FBLIM1: variants seen among roughly 807,000 people sequenced by gnomAD.
The protein encoded by FBLIM1 is filamin-binding LIM protein 1.
In FBLIM1, 29 loss-of-function variants were observed where a neutral mutation model predicts 37.4. The ratio of observed to expected loss-of-function variants is 0.77; its 90% CI spans 0.58 to 1.06. The LOEUF is 1.06. Ranked by LOEUF, FBLIM1 falls within the 50% of genes least tolerant of loss-of-function variation. The pLI is 0.00. For missense variants in FBLIM1, 449 were observed against 505.6 expected (o/e 0.89, Z 1.07); for synonymous variants, 193 against 199.0 (o/e 0.97, Z 0.25).
chr1:15,776,822 A>G (rs7513099), intron 7 of FBLIM1, among the ~76,000 whole-genome samples: 2 of 144,996 alleles, frequency 1.4e-5, no homozygotes, highest in African/African-American at 5.1e-5. Context: ...AGATTGCATC[A>G]TTGCACTCCA....
At chr1:15,764,310 C>T (rs2068815760) in intron 1 of FBLIM1, among the ~76,000 whole-genome samples, 186 bp from the exon 2 acceptor site, 1 of 152,164 alleles carries the variant, frequency 6.6e-6, no homozygotes, top group Non-Finnish European at 1.5e-5. Flanking sequence ...CTGCAGCCAC[C>T]TTGTGAGTGT....
intron 5 of FBLIM1, 63 bp from the exon 6 acceptor site, chr1:15,770,346 G>C: frequency 1.3e-6 from 2 of 1,553,912 alleles, no homozygotes; most frequent in South Asian, 2.3e-5. Context: ...CATGTTCTGG[G>C]TGGTGCCTGG....
intron 8 of FBLIM1, among the ~76,000 whole-genome samples, chr1:15,778,331 G>A (rs2069550113): frequency 1.3e-5 from 2 of 152,140 alleles, no homozygotes; most frequent in Non-Finnish European, 2.9e-5. Flanking sequence ...TTGGGAAGCT[G>A]AGATGGGTGG....
At chr1:15,758,703 T>TTATG (rs2068512966), upstream of FBLIM1, 1 of 150,100 alleles carries the variant, frequency 6.7e-6, no homozygotes, top group South Asian at 2.0e-4. This position sits in a 1 kb window ranked among gnomAD's most constrained non-coding sequence, Gnocchi z 6.2. Flanking sequence ...GCCTCACCTT[T>TTATG]TATGGTAAAG....
intron 8 of FBLIM1, among the ~76,000 whole-genome samples, chr1:15,782,869 C>T (rs1389137967): frequency 1.4e-5 from 2 of 144,844 alleles, no homozygotes; most frequent in African/African-American, 2.6e-5. Context: ...AGTGCAGTGG[C>T]GCGATCTCAG....
In FBLIM1 at chr1:15,765,545, C is replaced by T. The variant is rs530937795; in HGVS notation, c.250+312C>T. On this transcript the variant is annotated intron_variant, in intron 3 of 8. Coordinates refer to ENST00000375766, the MANE Select transcript of FBLIM1 (RefSeq NM_017556.4). The surrounding 1 kb of genome is among the most constrained non-coding windows in gnomAD (Gnocchi z 5.9). ...GGTCAGCATGGCTGGCTGGCCGTTT[C>T]GTCTGCCAATTTAATACCCTCAAGC... Among the ~76,000 whole-genome samples, 7 of 151,968 alleles carry T rather than the reference C, an allele frequency of 4.6e-5. No homozygotes were observed. Among genetic ancestry groups the T allele is most frequent in the African/African-American group, 1.7e-4 (7 of 41,462 alleles).
chr1:15,779,169 C>T (rs2069572991), intron 8 of FBLIM1, among the ~76,000 whole-genome samples: 1 of 152,054 alleles, frequency 6.6e-6, no homozygotes, highest in Non-Finnish European at 1.5e-5. Flanking sequence ...CTCCTGACCT[C>T]AGGTGATCCA....
chr1:15,782,810 C>CT (rs36050598), intron 8 of FBLIM1, among the ~76,000 whole-genome samples: 106,390 of 132,530 alleles, frequency 0.8, 43,147 homozygotes, highest in Non-Finnish European at 0.86. Flanking sequence ...TATAGGGACT[C>CT]TTTTTTTTTT....
At chr1:15,764,212 C>T (rs941902859) in intron 1 of FBLIM1, among the ~76,000 whole-genome samples, 9 of 152,196 alleles carry the variant, frequency 5.9e-5, no homozygotes, top group African/African-American at 1.9e-4. Context: ...GTTCCAGTGC[C>T]ACCTCACCAC....
rs183323682 is a variant in FBLIM1 at position 15,766,452 on chromosome 1, A to T, written c.251-924A>T. Among the ~76,000 whole-genome samples, 331 of 151,406 alleles carry T rather than the reference A, an allele frequency of 2.2e-3. 1 individual carries two copies. Among genetic ancestry groups the T allele is most frequent in the Middle Eastern group, 3.5e-3 (1 of 286 alleles). ...GCTAGGATTACAGGCGCCCACCATC[A>T]CACCCAGCTGATTTTTGTATTTTTA... On this transcript the variant is annotated intron_variant, in intron 3 of 8. Transcript: ENST00000375766.
intron 8 of FBLIM1, among the ~76,000 whole-genome samples, chr1:15,781,879 T>C (rs985296464): frequency 3.9e-4 from 15 of 38,002 alleles, no homozygotes; most frequent in Non-Finnish European, 6.3e-4. Context: ...CCACCACGCC[T>C]GGCTAATTTT....
chr1:15,784,817 T>C lies in FBLIM1; in HGVS notation c.*156T>C. On this transcript the variant is annotated 3_prime_UTR_variant, in exon 9 of 9. Coordinates refer to ENST00000375766, the MANE Select transcript of FBLIM1 (RefSeq NM_017556.4). ...CAGCCTGTCCAGGATACAGTGGGGCTGAGCACCCCCAGGCCTTCCACTCCT... is the reference window on the plus strand; with the variant it reads ...CAGCCTGTCCAGGATACAGTGGGGCCGAGCACCCCCAGGCCTTCCACTCCT... 1 of 582,506 alleles carries C rather than the reference T, an allele frequency of 1.7e-6. No individual in the cohort carries two copies. The highest frequency in any genetic ancestry group is 3.0e-6 in the Non-Finnish European group (1 of 328,854). 36.1% of individuals were successfully genotyped at this position (582,506 alleles called of 1,614,324 possible).
chr1:15,776,916 A>T, intron 7 of FBLIM1: 1 of 406,464 alleles, frequency 2.5e-6, no homozygotes, highest in African/African-American at 2.0e-5. Flanking sequence ...AAAAAGACAG[A>T]TGAGATGGGT....
chr1:15,757,211 C>T (rs1465587731), upstream of FBLIM1, among the ~76,000 whole-genome samples: 2 of 152,222 alleles, frequency 1.3e-5, no homozygotes, highest in Non-Finnish European at 2.9e-5. This position sits in a 1 kb window ranked among gnomAD's most constrained non-coding sequence, Gnocchi z 4.1. Flanking sequence ...CCTCCAAGCC[C>T]CAGCTTCCGA....
At chr1:15,757,364 C>T (rs187070804), upstream of FBLIM1, among the ~76,000 whole-genome samples, 3 of 152,274 alleles carry the variant, frequency 2.0e-5, no homozygotes, top group African/African-American at 4.8e-5. This position sits in a 1 kb window ranked among gnomAD's most constrained non-coding sequence, Gnocchi z 4.1. Flanking sequence ...TGTCCTTGAC[C>T]GTGAACAGGA....
chr1:15,761,949 C>T (rs1187417150), intron 1 of FBLIM1, among the ~76,000 whole-genome samples: 3 of 152,154 alleles, frequency 2.0e-5, no homozygotes, highest in Non-Finnish European at 4.4e-5. Context: ...TCACTGGACT[C>T]CCAGCTTTCC....
intron 7 of FBLIM1, among the ~76,000 whole-genome samples, chr1:15,776,424 T>C (rs2069489281): frequency 6.6e-6 from 1 of 152,166 alleles, no homozygotes; most frequent in South Asian, 2.1e-4. Flanking sequence ...GACCTGACTT[T>C]GGGGCCCTGC....
chr1:15,767,448 C>T lies in FBLIM1; in HGVS notation c.323C>T (p.Pro108Leu). 6.4e-7 allele frequency: 1 copy of T among 1,563,786 alleles called. No homozygotes were observed. ...LPDLDLLPPP[P>L]PPPPVLLPSE... ...GACCTGGACCTCCTCCCACCCCCTC[C>T]ACCGCCCCCTCCAGTGCTTCTGCCT... The change falls in exon 4 of 9, where the codon CCA (proline) becomes CTA (leucine). Residue 108 changes from proline (P) to leucine (L), a missense_variant. Physicochemically the swap from Pro to Leu is moderately conservative, Grantham distance 98. Transcript: ENST00000375766.
intron 8 of FBLIM1, among the ~76,000 whole-genome samples, chr1:15,782,810 C>CTT (rs36050598): frequency 0.028 from 3,749 of 132,490 alleles, 182 homozygotes; most frequent in African/African-American, 0.079. Context: ...TATAGGGACT[C>CTT]TTTTTTTTTT....
Sources: gnomAD v4.1 joint callset for allele counts (sites outside exome capture counted in the v4.1 genomes callset) on GRCh38, gnomAD v4.1.1 for gene constraint, Gnocchi (gnomAD v3.1) non-coding constraint, MANE v1.5 for transcripts, NCBI Gene and HGNC (gene_info 2026-07-23, HGNC 2026-07-21) for gene names.